Variants in CNDP2 observed in about 807,000 individuals in gnomAD.
CNDP2 encodes the protein carnosine dipeptidase 2, also known as cytosolic non-specific dipeptidase.
In CNDP2, 38 loss-of-function variants were observed where a neutral mutation model predicts 55.0. The ratio of observed to expected loss-of-function variants is 0.69; its 90% confidence interval spans 0.53 to 0.90. CNDP2 has a LOEUF of 0.90. Ranked by LOEUF, CNDP2 falls within the 40% of genes least tolerant of loss-of-function variation. The probability of loss-of-function intolerance (pLI) is 0.00; values close to 1 mark genes in which losing one functional copy is unlikely to be tolerated. For missense variants in CNDP2, 607 were observed against 621.7 expected (o/e 0.98, Z 0.25); for synonymous variants, 241 against 260.2 (o/e 0.93, Z 0.71).
intron 3 of CNDP2, 22 bp downstream of exon 3, chr18:74,501,494 A>C (rs1191277338): frequency 1.9e-6 from 3 of 1,608,794 alleles, no homozygotes; most frequent in Non-Finnish European, 2.5e-6. Flanking sequence ...CATTCTTTGC[A>C]TTGCAGGACC....
intron 9 of CNDP2, chr18:74,517,437 G>A (rs1386012155): frequency 6.6e-6 from 1 of 152,130 alleles, no homozygotes; most frequent in Non-Finnish European, 1.5e-5. Flanking sequence ...CTGCTCAGAT[G>A]TTACATTCCA....
chr18:74,511,406 C>T (rs555706270), intron 6 of CNDP2, among the ~76,000 whole-genome samples: 33 of 152,182 alleles, frequency 2.2e-4, no homozygotes, highest in African/African-American at 6.7e-4. Context: ...AAGTGACGCA[C>T]GGGAAAAAGA....
At chr18:74,515,942 G>A (rs373761365) in intron 8 of CNDP2, among the ~76,000 whole-genome samples, 1 of 152,200 alleles carries the variant, frequency 6.6e-6, no homozygotes, top group African/African-American at 2.4e-5. Flanking sequence ...AGTGGCCAGC[G>A]TGGCTCGCCT....
intron 7 of CNDP2, among the ~76,000 whole-genome samples, chr18:74,512,948 C>G (rs566658279): frequency 6.6e-6 from 1 of 152,212 alleles, no homozygotes; most frequent in African/African-American, 2.4e-5. Flanking sequence ...TCTTTGAGAG[C>G]GGGCATAGCC....
chr18:74,520,109 T>C lies in CNDP2; in HGVS notation c.*41T>C. ...TGCCATCTCCAATGAGAAGGAATCC[T>C]GCCCTCACCTCACCCTTTTCCAACT... On this transcript the variant is annotated 3_prime_UTR_variant, in exon 12 of 12. Transcript: ENST00000324262. The C allele has an allele frequency of 6.3e-7, 1 of 1,595,106 alleles. No individual in the cohort carries two copies. Among genetic ancestry groups the C allele is most frequent in the South Asian group, 1.1e-5 (1 of 90,492 alleles).
Position 74,520,129 on chromosome 18 carries a change from C to A in CNDP2, c.*61C>A, listed in dbSNP as rs773859239. ...AATCCTGCCCTCACCTCACCCTTTT[C>A]CAACTTGCCCAGGGAAGTGGAGGTT... On this transcript the variant is annotated 3_prime_UTR_variant, in exon 12 of 12. Coordinates refer to ENST00000324262, the MANE Select transcript of CNDP2 (RefSeq NM_018235.3). The A allele has an allele frequency of 1.3e-6, 2 of 1,543,466 alleles. No individual in the cohort carries two copies. Among genetic ancestry groups the A allele is most frequent in the East Asian group, 2.2e-5 (1 of 44,512 alleles).
chr18:74,500,471 G>A (rs114879941), intron 2 of CNDP2, among the ~76,000 whole-genome samples: 2,507 of 152,206 alleles, frequency 0.016, 65 homozygotes, highest in African/African-American at 0.057. Flanking sequence ...GCCATTGTCG[G>A]GATGATAAAT....
chr18:74,503,668 G>A (rs903634372), intron 3 of CNDP2, among the ~76,000 whole-genome samples: 2 of 152,280 alleles, frequency 1.3e-5, no homozygotes, highest in African/African-American at 2.4e-5. Flanking sequence ...GGTTCCCTGG[G>A]ACCAGAGCAG....
rs1238232157 is a variant in CNDP2 at position 74,519,984 on chromosome 18, G to T, written c.1359-15G>T. 1 of 1,612,986 alleles carries T rather than the reference G, an allele frequency of 6.2e-7. No individual in the cohort carries two copies. The highest frequency in any genetic ancestry group is 8.5e-7 in the Non-Finnish European group (1 of 1,179,384). On this transcript the variant is annotated splice_polypyrimidine_tract_variant and intron_variant, in intron 11 of 11. Coordinates refer to ENST00000324262, the MANE Select transcript of CNDP2 (RefSeq NM_018235.3). Reference sequence around the variant, plus strand: ...ACGACACCAGCCAACACAATGATGTGTTCCTCTCTACCAGGTATAACTACA... The same window carrying T: ...ACGACACCAGCCAACACAATGATGTTTTCCTCTCTACCAGGTATAACTACA...
chr18:74,507,929 T>C (rs1356817778), intron 4 of CNDP2: 10 of 152,400 alleles, frequency 6.6e-5, no homozygotes, highest in African/African-American at 2.4e-4. Context: ...GGATTGTTGT[T>C]TTAGAAAAGC....
At chr18:74,508,571 A>G in intron 4 of CNDP2, 1 of 415,914 alleles carries the variant, frequency 2.4e-6, no homozygotes, top group Non-Finnish European at 4.5e-6. Flanking sequence ...CTGACCCAGC[A>G]GGAAGCCATG....
At position 74,510,895 on chromosome 18, in the gene CNDP2, G is replaced by A. The variant is rs34916325; in HGVS notation, c.539G>A (p.Arg180Gln). Residue 180 changes from arginine to glutamine, a missense_variant, in exon 6 of 12, where the codon CGG (arginine) becomes CAG (glutamine). Physicochemically the swap from Arg to Gln is conservative, Grantham distance 43. Transcript: ENST00000324262. ...SEGLDELIFA[R>Q]KDTFFKDVDY... Reference sequence around the variant, plus strand: ...GGCCTAGACGAGCTGATTTTTGCCCGGAAAGACACATTCTTTAAGGATGTG... The same window carrying A: ...GGCCTAGACGAGCTGATTTTTGCCCAGAAAGACACATTCTTTAAGGATGTG... The A allele has an allele frequency of 3.7e-3, 6,034 of 1,614,076 alleles. 217 individuals carry two copies. The African/African-American group carries it at 0.072, about 19-fold the overall frequency.
intron 7 of CNDP2, among the ~76,000 whole-genome samples, chr18:74,512,953 A>G (rs1337447081): frequency 1.3e-5 from 2 of 152,216 alleles, no homozygotes; most frequent in East Asian, 1.9e-4. Flanking sequence ...GAGAGCGGGC[A>G]TAGCCCATCG....
Position 74,516,319 on chromosome 18 carries a change from T to C in CNDP2, c.995T>C (p.Ile332Thr). ...AFSGSGAKTV[I>T]PRKVVGKFSI... ...TCTGGGTCTGGGGCCAAGACCGTGA[T>C]TCCCAGGAAGGTGGTTGGCAAGTTC... The change falls in exon 9 of 12, where the codon ATT (isoleucine) becomes ACT (threonine). Residue 332 changes from isoleucine to threonine, a missense_variant. Transcript: ENST00000324262. 2.5e-6 allele frequency: 4 copies of C among 1,614,096 alleles called. No individual in the cohort carries two copies. The highest frequency in any genetic ancestry group is 3.4e-6 in the Non-Finnish European group (4 of 1,179,994).
intron 7 of CNDP2, 45 bp from the exon 8 acceptor site, chr18:74,513,514 G>T (rs1406617838): frequency 2.6e-6 from 4 of 1,568,486 alleles, no homozygotes; most frequent in Middle Eastern, 1.7e-4. Context: ...GCTCGCCTTG[G>T]TGCGGCCTCC....
At chr18:74,508,093 A>C (rs1396602334) in intron 4 of CNDP2, 3 of 152,282 alleles carry the variant, frequency 2.0e-5, no homozygotes, top group African/African-American at 7.2e-5. Flanking sequence ...GGAGGTCAGG[A>C]GACTGGCCAC....
Position 74,518,944 on chromosome 18 carries a change from C to CG in CNDP2, c.1211-5_1211-4insG, listed in dbSNP as rs751460455. ...CACCGTTTATTTTATTTCATTTCCC[C>CG]CCAGTTTTTGGTGTTGAGCCAGACT... On this transcript the variant is annotated splice_region_variant and splice_polypyrimidine_tract_variant and intron_variant, in intron 10 of 11. Transcript: ENST00000324262. The CG allele has an allele frequency of 6.2e-7, 1 of 1,613,930 alleles. No individual in the cohort carries two copies. The highest frequency in any genetic ancestry group is 1.7e-5 in the Admixed American group (1 of 59,994).
In CNDP2 at chr18:74,508,647, T is replaced by C. The variant is rs1001161841; in HGVS notation, c.368-193T>C. ...GGTTCTTGGGAGCATCCACGTGGCT[T>C]ATCTCTTTGATGATGCCAAATTCTC... is the stretch of plus-strand genomic sequence containing the variant. On this transcript the variant is annotated intron_variant, in intron 4 of 11. Transcript: ENST00000324262. 5 of 566,228 alleles carry C rather than the reference T, an allele frequency of 8.8e-6. 1 individual carries two copies. The highest frequency in any genetic ancestry group is 6.4e-6 in the Non-Finnish European group (2 of 313,406). 35.1% of individuals were successfully genotyped at this position (566,228 alleles called of 1,614,324 possible).
In CNDP2 at chr18:74,516,328, A is replaced by G; in HGVS notation, c.1004A>G (p.Lys335Arg). The G allele has an allele frequency of 1.2e-6, 2 of 1,614,020 alleles. No individual in the cohort carries two copies. The highest frequency in any genetic ancestry group is 2.2e-5 in the South Asian group (2 of 91,070). Residue 335 changes from lysine to arginine, a missense_variant, in exon 9 of 12, where the codon AAG becomes AGG. Lys to Arg is a conservative substitution (Grantham distance 26). Transcript: ENST00000324262. ...GGGGCCAAGACCGTGATTCCCAGGA[A>G]GGTGGTTGGCAAGTTCTCCATCAGG... Reference protein sequence around the residue: ...GSGAKTVIPRKVVGKFSIRLV... With the variant: ...GSGAKTVIPRRVVGKFSIRLV...
Sources: gnomAD v4.1 joint callset for allele counts (sites outside exome capture counted in the v4.1 genomes callset) on GRCh38, gnomAD v4.1.1 for gene constraint, MANE v1.5 for transcripts, NCBI Gene and HGNC (gene_info 2026-07-23, HGNC 2026-07-21) for gene names.